Variants in ITFG1 observed in about 807,000 individuals in gnomAD.
ITFG1 encodes the protein T-cell immunomodulatory protein.
Under a neutral mutation model 81.8 loss-of-function variants are expected in ITFG1, and 34 were observed. That is an observed-to-expected ratio of 0.42 (90% CI 0.32 to 0.55). ITFG1 has a LOEUF of 0.55. Ranked by LOEUF, ITFG1 falls within the 20% of genes least tolerant of loss-of-function variation. The probability of loss-of-function intolerance (pLI) is 0.17; values close to 1 mark genes in which losing one functional copy is unlikely to be tolerated. For synonymous variants in ITFG1, 285 were observed against 270.6 expected, an observed-to-expected ratio of 1.05 and a Z score of -0.52; for missense variants, 672 against 755.4, an observed-to-expected ratio of 0.89 and a Z score of 1.29.
chr16:47,298,543 A>G (rs1967020485), intron 10 of ITFG1, among the ~76,000 whole-genome samples: 1 of 151,704 alleles, frequency 6.6e-6, no homozygotes, highest in Non-Finnish European at 1.5e-5. Flanking sequence ...GCTTCTGGGT[A>G]TGTTCAGTAG....
intron 13 of ITFG1, among the ~76,000 whole-genome samples, chr16:47,232,550 G>A (rs535427110): frequency 6.6e-6 from 1 of 152,156 alleles, no homozygotes; most frequent in Non-Finnish European, 1.5e-5. Context: ...TGGGTAGTAG[G>A]TGGTGGTATG....
At chr16:47,245,645 T>C (rs1216578603) in intron 12 of ITFG1, among the ~76,000 whole-genome samples, 1 of 152,176 alleles carries the variant, frequency 6.6e-6, no homozygotes, top group Non-Finnish European at 1.5e-5. Context: ...CTGGGTTCAA[T>C]CTGAAAGCTT....
chr16:47,172,046 G>T (rs552048864), intron 14 of ITFG1, among the ~76,000 whole-genome samples: 1 of 152,110 alleles, frequency 6.6e-6, no homozygotes, highest in African/African-American at 2.4e-5. Flanking sequence ...TAATTAACTT[G>T]ACTTAGGTTA....
At chr16:47,417,148 G>A (rs1047240847) in intron 6 of ITFG1, among the ~76,000 whole-genome samples, 20 of 152,206 alleles carry the variant, frequency 1.3e-4, no homozygotes, top group Non-Finnish European at 1.5e-5. Context: ...GCCTTTGCAT[G>A]AGGCAGGTAC....
At chr16:47,180,777 G>A (rs1295067585) in intron 14 of ITFG1, among the ~76,000 whole-genome samples, 6 of 152,144 alleles carry the variant, frequency 3.9e-5, no homozygotes, top group East Asian at 1.9e-4. Flanking sequence ...CCAAAGTGCC[G>A]AGATTGCAGC....
At chr16:47,262,776 AG>A (rs1374278583) in intron 10 of ITFG1, 16 of 152,412 alleles carry the variant, frequency 1.0e-4, no homozygotes, top group African/African-American at 3.9e-4. Context: ...CAGTTTATGC[AG>A]ATCTGCTGGA....
chr16:47,416,460 A>G (rs1347494288), intron 6 of ITFG1, among the ~76,000 whole-genome samples: 1 of 152,208 alleles, frequency 6.6e-6, no homozygotes, highest in East Asian at 1.9e-4. Context: ...TATTGTTTGC[A>G]AAAGTTTTGT....
intron 12 of ITFG1, among the ~76,000 whole-genome samples, chr16:47,248,916 C>A (rs1243621399): frequency 6.6e-6 from 1 of 152,144 alleles, no homozygotes; most frequent in African/African-American, 2.4e-5. Flanking sequence ...TATTTGTGTT[C>A]TTTGCCCCTG....
chr16:47,244,604 T>C (rs1209449951), intron 12 of ITFG1, among the ~76,000 whole-genome samples: 11 of 57,148 alleles, frequency 1.9e-4, no homozygotes, highest in African/African-American at 9.8e-4. Context: ...TGTGTGTGTG[T>C]GTGTGTGTGT....
At chr16:47,179,120 C>T (rs1431652471) in intron 14 of ITFG1, among the ~76,000 whole-genome samples, 1 of 152,134 alleles carries the variant, frequency 6.6e-6, no homozygotes. Context: ...CACTTTTACA[C>T]TGTTGGTGGG....
chr16:47,251,420 G>A (rs1009742655), intron 12 of ITFG1, among the ~76,000 whole-genome samples: 52 of 152,190 alleles, frequency 3.4e-4, no homozygotes, highest in African/African-American at 1.2e-3. Flanking sequence ...CTGATGGGCA[G>A]AAGTATATAG....
At chr16:47,291,051 T>G (rs1966899083) in intron 10 of ITFG1, among the ~76,000 whole-genome samples, 1 of 152,180 alleles carries the variant, frequency 6.6e-6, no homozygotes. Context: ...CTTGACTATT[T>G]CTTGTAAGGC....
chr16:47,334,995 A>G (rs964652090), intron 8 of ITFG1, among the ~76,000 whole-genome samples: 8 of 152,230 alleles, frequency 5.3e-5, no homozygotes, highest in African/African-American at 1.9e-4. Flanking sequence ...GACATGAGAA[A>G]CATGATACTA....
intron 5 of ITFG1, among the ~76,000 whole-genome samples, chr16:47,439,484 C>T (rs186026496): frequency 1.3e-5 from 2 of 152,350 alleles, no homozygotes; most frequent in African/African-American, 4.8e-5. Context: ...AACAGCTGAT[C>T]TCTCGGCAGA....
intron 10 of ITFG1, among the ~76,000 whole-genome samples, chr16:47,310,742 T>C (rs1268760802): frequency 6.6e-6 from 1 of 152,212 alleles, no homozygotes; most frequent in Non-Finnish European, 1.5e-5. Context: ...TCTTTCTAAG[T>C]GGTTCATTTA....
At chr16:47,323,634 C>T (rs1401712483) in intron 8 of ITFG1, among the ~76,000 whole-genome samples, 1 of 148,038 alleles carries the variant, frequency 6.8e-6, no homozygotes, top group Non-Finnish European at 1.5e-5. Flanking sequence ...TTTTTCCTAA[C>T]TCAGAGTTTG....
chr16:47,233,162 C>G (rs1037303922), intron 13 of ITFG1, among the ~76,000 whole-genome samples: 1 of 152,164 alleles, frequency 6.6e-6, no homozygotes, highest in African/African-American at 2.4e-5. Flanking sequence ...TGTTGTCACT[C>G]TAGTTCTCAT....
chr16:47,319,829 C>A (rs866114124), intron 8 of ITFG1, among the ~76,000 whole-genome samples: 19 of 152,158 alleles, frequency 1.2e-4, no homozygotes, highest in African/African-American at 4.1e-4. Context: ...GTGAAAAAGT[C>A]AAAAAATATC....
intron 8 of ITFG1, among the ~76,000 whole-genome samples, chr16:47,342,709 A>G (rs1967800617): frequency 6.6e-6 from 1 of 152,134 alleles, no homozygotes; most frequent in South Asian, 2.1e-4. Context: ...TTTCTATAAA[A>G]CACCAATGAA....
Sources: gnomAD v4.1 joint callset for allele counts (sites outside exome capture counted in the v4.1 genomes callset) on GRCh38, gnomAD v4.1.1 for gene constraint, MANE v1.5 for transcripts, NCBI Gene and HGNC (gene_info 2026-07-23, HGNC 2026-07-21) for gene names.